Variants in ARSB observed in about 807,000 individuals in gnomAD.
ARSB encodes arylsulfatase B.
ARSB carries 41 observed loss-of-function variants against 50.9 expected under a neutral mutation model. The ratio of observed to expected loss-of-function variants is 0.81; its 90% CI spans 0.63 to 1.04. The LOEUF (loss-of-function observed/expected upper bound fraction) is 1.04. Ranked by LOEUF, ARSB falls within the 50% of genes least tolerant of loss-of-function variation. ARSB has a pLI of 0.00. For missense variants in ARSB, 672 were observed against 693.3 expected (o/e 0.97, Z 0.35); for synonymous variants, 269 against 284.8 (o/e 0.94, Z 0.56).
chr5:78,828,325 C>T (rs1233921453), intron 6 of ARSB, among the ~76,000 whole-genome samples: 3 of 152,164 alleles, frequency 2.0e-5, no homozygotes, highest in Admixed American at 2.0e-4. Context: ...CTGCTGCATA[C>T]AGGATGAAAT....
intron 4 of ARSB, among the ~76,000 whole-genome samples, chr5:78,942,222 TC>T (rs1196186160): frequency 6.6e-6 from 1 of 152,190 alleles, no homozygotes; most frequent in African/African-American, 2.4e-5. Flanking sequence ...GTTGATCTTT[TC>T]AAAAAACCAG....
chr5:78,918,987 A>C (rs966009017), intron 4 of ARSB, among the ~76,000 whole-genome samples: 1 of 152,222 alleles, frequency 6.6e-6, no homozygotes, highest in African/African-American at 2.4e-5. Context: ...ATAGAGGATA[A>C]GGAACAGAGT....
intron 6 of ARSB, among the ~76,000 whole-genome samples, chr5:78,834,412 A>T (rs565966144): frequency 6.6e-6 from 1 of 150,924 alleles, no homozygotes; most frequent in East Asian, 2.0e-4. Context: ...CCTCCCCACA[A>T]CCTCAGGCAA....
chr5:78,929,856 T>C (rs970516365), intron 4 of ARSB, among the ~76,000 whole-genome samples: 2 of 151,244 alleles, frequency 1.3e-5, no homozygotes, highest in Admixed American at 1.3e-4. Flanking sequence ...CTCAGGACAG[T>C]ACATTGTCTT....
chr5:78,791,707 C>T (rs1332576534), intron 6 of ARSB, among the ~76,000 whole-genome samples: 1 of 152,254 alleles, frequency 6.6e-6, no homozygotes, highest in Non-Finnish European at 1.5e-5. Flanking sequence ...TGCATGTATG[C>T]ACTGTTGTCT....
At position 78,981,246 on chromosome 5, in the gene ARSB, G is replaced by A. The variant is rs1469208698; in HGVS notation, c.312+3691C>T. Among the ~76,000 whole-genome samples the A allele has an allele frequency of 6.4e-4, 3 of 4,664 alleles. 1 individual carries two copies. In the East Asian group the frequency reaches 8.4e-3, roughly 13 times the overall value. The allele number at this position is 4,664 out of a possible 152,430, so 3.1% of individuals were successfully genotyped here. ...ATTACAGGCGTGAGCCACCGCGCCCGGCCGAATTTCTAGTTCTTGAATTTA... is the reference window on the plus strand; with the variant it reads ...ATTACAGGCGTGAGCCACCGCGCCCAGCCGAATTTCTAGTTCTTGAATTTA... On this transcript the variant is annotated intron_variant, in intron 1 of 7. Coordinates refer to ENST00000264914, the MANE Select transcript of ARSB (RefSeq NM_000046.5).
At chr5:78,918,849 C>T (rs906178654) in intron 4 of ARSB, among the ~76,000 whole-genome samples, 2 of 152,132 alleles carry the variant, frequency 1.3e-5, no homozygotes, top group Non-Finnish European at 2.9e-5. Flanking sequence ...TGGGTTTTCA[C>T]AGAAGCATTA....
At chr5:78,823,995 A>T (rs1322033520) in intron 6 of ARSB, among the ~76,000 whole-genome samples, 1 of 152,212 alleles carries the variant, frequency 6.6e-6, no homozygotes, top group Admixed American at 6.5e-5. Context: ...ATAGGGGCAG[A>T]TCTCTCATAA....
At chr5:78,823,479 C>T (rs1334342377) in intron 6 of ARSB, among the ~76,000 whole-genome samples, 3 of 152,130 alleles carry the variant, frequency 2.0e-5, no homozygotes, top group Admixed American at 6.6e-5. Context: ...ATAGTACTTC[C>T]GCAAGATCAG....
At chr5:78,803,567 C>T (rs1743468657) in intron 6 of ARSB, among the ~76,000 whole-genome samples, 1 of 152,200 alleles carries the variant, frequency 6.6e-6, no homozygotes, top group African/African-American at 2.4e-5. Context: ...CTGGGGCCTG[C>T]ACCACTCTTG....
chr5:78,952,379 C>G (rs1751526079), intron 4 of ARSB, among the ~76,000 whole-genome samples: 1 of 152,084 alleles, frequency 6.6e-6, no homozygotes, highest in Non-Finnish European at 1.5e-5. Context: ...CTCTGTTACC[C>G]AGGCTGGAGT....
chr5:78,786,964 G>T (rs898057655), intron 6 of ARSB, among the ~76,000 whole-genome samples: 1 of 152,064 alleles, frequency 6.6e-6, no homozygotes, highest in Non-Finnish European at 1.5e-5. Context: ...TTGTCTGAGA[G>T]AGTATTTTTT....
chr5:78,790,049 C>T (rs1029595899), intron 6 of ARSB, among the ~76,000 whole-genome samples: 3 of 152,068 alleles, frequency 2.0e-5, no homozygotes, highest in South Asian at 2.1e-4. Context: ...ATTTCCTCTC[C>T]GAAATGCTGC....
chr5:78,788,832 C>T (rs55948541), intron 6 of ARSB, among the ~76,000 whole-genome samples: 13,950 of 152,234 alleles, frequency 0.092, 709 homozygotes, highest in Middle Eastern at 0.2. Context: ...TGTTTCCCTA[C>T]GTTACCTGGC....
At chr5:78,980,756 T>C (rs1250040528) in intron 1 of ARSB, among the ~76,000 whole-genome samples, 1 of 83,806 alleles carries the variant, frequency 1.2e-5, no homozygotes, top group Non-Finnish European at 2.7e-5. Context: ...GTGTGTGTGT[T>C]TTGGTAGATT....
intron 5 of ARSB, among the ~76,000 whole-genome samples, chr5:78,846,896 T>A (rs369042934): frequency 3.9e-5 from 6 of 152,336 alleles, no homozygotes; most frequent in African/African-American, 1.4e-4. Flanking sequence ...TTATGATATA[T>A]GGCCTTTATC....
At chr5:78,881,760 G>A (rs147500440) in intron 5 of ARSB, among the ~76,000 whole-genome samples, 118 of 152,342 alleles carry the variant, frequency 7.7e-4, no homozygotes, top group African/African-American at 2.5e-3. Context: ...GTTTGGTAAT[G>A]TTTATCAAAT....
At chr5:78,796,661 A>G (rs937368065) in intron 6 of ARSB, among the ~76,000 whole-genome samples, 1 of 150,792 alleles carries the variant, frequency 6.6e-6, no homozygotes, top group Admixed American at 6.6e-5. Context: ...TCTACCTGCC[A>G]TTCTTTTTTT....
chr5:78,841,576 A>G (rs1745216278), intron 5 of ARSB, among the ~76,000 whole-genome samples: 1 of 152,184 alleles, frequency 6.6e-6, no homozygotes, highest in African/African-American at 2.4e-5. Context: ...GGGCCAGTAT[A>G]TTAATACATA....
Sources: allele counts gnomAD v4.1 joint callset (sites outside exome capture counted in the v4.1 genomes callset), GRCh38; gene constraint gnomAD v4.1.1; transcripts MANE v1.5; gene names NCBI Gene and HGNC (gene_info 2026-07-23, HGNC 2026-07-21).